The following RRM1 variants were observed in gnomAD, a reference collection of about 807,000 sequenced individuals.
RRM1 encodes the protein ribonucleoside-diphosphate reductase large subunit.
RRM1 carries 19 observed loss-of-function variants against 101.5 expected under a neutral mutation model. That is an observed-to-expected ratio of 0.19 (90% CI 0.13 to 0.27). RRM1 has a LOEUF of 0.27. Among genes scored for constraint, RRM1 ranks in the 10% least tolerant of loss-of-function variants. The probability of loss-of-function intolerance (pLI) is 1.00; values close to 1 mark genes in which losing one functional copy is unlikely to be tolerated. For missense variants in RRM1, 500 were observed against 962.9 expected, an observed-to-expected ratio of 0.52 and a Z score of 6.36; for synonymous variants, 298 against 323.4, an observed-to-expected ratio of 0.92 and a Z score of 0.84.
At chr11:4,130,104 T>C (rs11031062) in intron 15 of RRM1, among the ~76,000 whole-genome samples, 47,051 of 90,314 alleles carry the variant, frequency 0.52, 11,898 homozygotes, top group Non-Finnish European at 0.66. Flanking sequence ...TTTTTTTTTT[T>C]CCCCTCAAAA....
chr11:4,111,537 G>A (rs559690595), intron 5 of RRM1, 64 bp from the exon 6 acceptor site: 51 of 1,069,254 alleles, frequency 4.8e-5, no homozygotes, highest in Non-Finnish European at 5.7e-5. Flanking sequence ...TATTGTGGAT[G>A]ATATATCCAC....
At position 4,111,658 on chromosome 11, in the gene RRM1, TTGTC is replaced by T. The variant is rs772004423; in HGVS notation, c.487+22_487+25del. 499 of 1,587,016 alleles carry T rather than the reference TTGTC, an allele frequency of 3.1e-4. No homozygotes were observed. Among genetic ancestry groups the T allele is most frequent in the Non-Finnish European group, 3.9e-4 (454 of 1,158,802 alleles). Reference sequence around the variant, plus strand: ...TGGAAAAGGTGAGAAATGAACATGTTTGTCTGTTACATTTTCTACTCATTATATT... The same window carrying T: ...TGGAAAAGGTGAGAAATGAACATGTTTGTTACATTTTCTACTCATTATATT... On this transcript the variant is annotated intron_variant, in intron 6 of 18. Transcript: ENST00000300738.
In RRM1 at chr11:4,115,294, A is replaced by G. The variant is rs183771418; in HGVS notation, c.651-3026A>G. Among the ~76,000 whole-genome samples the G allele has an allele frequency of 3.7e-3, 570 of 152,308 alleles. 1 individual carries two copies. The highest frequency in any genetic ancestry group is 0.013 in the African/African-American group (545 of 41,572). The stretch of plus-strand genomic sequence containing the variant: ...ATAAGGATTTTGACATGGAGAGATT[A>G]TCTTGAATTATGTGGGTGGGCCCTT... On this transcript the variant is annotated intron_variant, in intron 7 of 18. Transcript: ENST00000300738.
At chr11:4,119,587 C>T in intron 8 of RRM1, 1 of 399,272 alleles carries the variant, frequency 2.5e-6, no homozygotes, top group Non-Finnish European at 4.5e-6. Context: ...ATTTTGGATC[C>T]CTTTGGCCTG....
rs1477605889 is a variant in RRM1 at position 4,109,635 on chromosome 11, C to G, written c.388-9C>G. The stretch of plus-strand genomic sequence containing the variant: ...AATTTAATTATGGGTTCTTTTTCAC[C>G]CCTATCAGCGCCTGAATTCTGCTAT... On this transcript the variant is annotated splice_polypyrimidine_tract_variant and intron_variant, in intron 4 of 18. Coordinates refer to ENST00000300738, the MANE Select transcript of RRM1 (RefSeq NM_001033.5). 2.5e-6 allele frequency: 4 copies of G among 1,595,364 alleles called. No individual in the cohort carries two copies. Among genetic ancestry groups the G allele is most frequent in the Non-Finnish European group, 3.4e-6 (4 of 1,170,856 alleles).
At chr11:4,111,737 G>T (rs946856244) in intron 6 of RRM1, 97 bp downstream of exon 6, 2 of 1,271,660 alleles carry the variant, frequency 1.6e-6, no homozygotes, top group Non-Finnish European at 2.2e-6. Flanking sequence ...TTAGACTCTA[G>T]ATAACATTTT....
At position 4,109,720 on chromosome 11, in the gene RRM1, A is replaced by G; in HGVS notation, c.447+17A>G. ...GGCTTTAAGGTAAATAATGGGTTTC[A>G]AGTATGTGGGAATTTATACTTAAAT... On this transcript the variant is annotated intron_variant, in intron 5 of 18. Transcript: ENST00000300738. 1.3e-6 allele frequency: 2 copies of G among 1,566,820 alleles called. No homozygotes were observed. The highest frequency in any genetic ancestry group is 1.4e-5 in the African/African-American group (1 of 73,728).
chr11:4,131,633 C>G (rs1282520711), intron 15 of RRM1, among the ~76,000 whole-genome samples: 1 of 152,144 alleles, frequency 6.6e-6, no homozygotes, highest in African/African-American at 2.4e-5. Context: ...TTAGGCTGAG[C>G]TTTGAAGGTG....
At chr11:4,112,474 T>C (rs979473454) in intron 7 of RRM1, among the ~76,000 whole-genome samples, 2 of 152,082 alleles carry the variant, frequency 1.3e-5, no homozygotes, top group African/African-American at 4.8e-5. Flanking sequence ...AGCAATTCTC[T>C]TGCCTCAGCC....
chr11:4,130,088 T>TATATATATATAAATA (rs1235882420), intron 15 of RRM1, among the ~76,000 whole-genome samples: 2 of 48,194 alleles, frequency 4.1e-5, no homozygotes, highest in Non-Finnish European at 3.7e-5. Context: ...ATATATATAT[T>TATATATATATAAATA]TTTTTTTTTT....
At chr11:4,109,623 G>A (rs748772284) in intron 4 of RRM1, 21 bp from the exon 5 acceptor site, 2 of 1,581,642 alleles carry the variant, frequency 1.3e-6, no homozygotes, top group South Asian at 1.2e-5. Context: ...TTAATTATGG[G>A]TTCTTTTTCA....
At position 4,125,060 on chromosome 11, in the gene RRM1, G is replaced by A. The variant is rs1294523108; in HGVS notation, c.1321-1624G>A. Among the ~76,000 whole-genome samples the A allele has an allele frequency of 9.9e-5, 15 of 151,670 alleles. 1 individual carries two copies. Among genetic ancestry groups the A allele is most frequent in the Admixed American group, 5.2e-4 (8 of 15,244 alleles). On this transcript the variant is annotated intron_variant, in intron 12 of 18. Transcript: ENST00000300738. ...CTCCCGAGTAGCTGGGACTACAGGC[G>A]CGTGCCACCACACCCAGCTAATTTT...
chr11:4,109,874 A>T (rs1423378954), intron 5 of RRM1, among the ~76,000 whole-genome samples, 171 bp downstream of exon 5: 1 of 152,206 alleles, frequency 6.6e-6, no homozygotes, highest in African/African-American at 2.4e-5. Flanking sequence ...AGGCAAAGGT[A>T]GCTTATCTAT....
rs370454930 is a variant in RRM1, at chr11:4,113,435, A to G, written c.650+1373A>G. ...AATGATTTGAAGAAATGATTTTTAC[A>G]TAGGAAACTCAAGAGCATCTGCAGA... On this transcript the variant is annotated intron_variant, in intron 7 of 18. Transcript: ENST00000300738. 1.6e-4 allele frequency among the ~76,000 whole-genome samples: 24 copies of G among 152,354 alleles called. No individual in the cohort carries two copies. The South Asian group carries it at 3.3e-3, about 21-fold the overall frequency.
intron 7 of RRM1, 93 bp from the exon 8 acceptor site, chr11:4,118,227 T>C (rs1326747715): frequency 5.7e-6 from 7 of 1,228,000 alleles, no homozygotes; most frequent in Non-Finnish European, 7.9e-6. Flanking sequence ...ACTCTTTTTT[T>C]TTTTTTTGCC....
chr11:4,095,546 G>T (rs879551555), intron 1 of RRM1, among the ~76,000 whole-genome samples: 42 of 152,304 alleles, frequency 2.8e-4, no homozygotes, highest in Middle Eastern at 3.4e-3. Flanking sequence ...GTAGGCACTT[G>T]TCAGTTTACT....
chr11:4,118,956 TG>T (rs1314565210), intron 8 of RRM1: 3 of 152,650 alleles, frequency 2.0e-5, no homozygotes, highest in Admixed American at 6.5e-5. Context: ...ACTTAATATG[TG>T]GTAGAGCCAG....
In RRM1 at chr11:4,111,518, A is replaced by AGATT. The variant is rs1329435271; in HGVS notation, c.448-81_448-78dup. 1.1e-5 allele frequency: 9 copies of AGATT among 803,910 alleles called. No homozygotes were observed. In the African/African-American group the frequency reaches 1.6e-4, roughly 14 times the overall value. The allele number at this position is 803,910 out of a possible 1,614,324, so 49.8% of individuals were successfully genotyped here. A position where few individuals can be genotyped will look rare whatever the true frequency, so the allele number is the denominator to read the frequency against. The stretch of plus-strand genomic sequence containing the variant: ...TTATAGAAACGGCGAAGATTTAAAG[A>AGATT]GATTGCCTTATTGTGGATGATATAT... On this transcript the variant is annotated intron_variant, in intron 5 of 18. Coordinates refer to ENST00000300738, the MANE Select transcript of RRM1 (RefSeq NM_001033.5).
intron 18 of RRM1, among the ~76,000 whole-genome samples, chr11:4,137,718 A>G (rs1590737944): frequency 9.9e-5 from 2 of 20,228 alleles, no homozygotes; most frequent in Non-Finnish European, 2.4e-4. Flanking sequence ...GGCCGGGCAG[A>G]GGGGCTCCTC....
Sources: allele counts gnomAD v4.1 joint callset (sites outside exome capture counted in the v4.1 genomes callset), GRCh38; gene constraint gnomAD v4.1.1; transcripts MANE v1.5; gene names NCBI Gene and HGNC (gene_info 2026-07-23, HGNC 2026-07-21).